Variants in PLS1 observed in about 807,000 individuals in gnomAD.
The protein encoded by PLS1 is plastin-1.
Under a neutral mutation model 73.7 loss-of-function variants are expected in PLS1, and 32 were observed. The observed-to-expected ratio is 0.43, with a 90% CI of 0.33 to 0.58. The LOEUF is 0.58. PLS1 is among the 20% of genes least tolerant of loss of function. The pLI is 0.04. For missense variants in PLS1, 633 were observed against 740.5 expected (o/e 0.85, Z 1.68); for synonymous variants, 217 against 261.3 (o/e 0.83, Z 1.63).
chr3:142,638,010 C>T (rs1482173510), intron 1 of PLS1, among the ~76,000 whole-genome samples: 1 of 152,104 alleles, frequency 6.6e-6, no homozygotes, highest in African/African-American at 2.4e-5. Context: ...AGTTGCAATC[C>T]GTGTGTGAGA....
intron 1 of PLS1, among the ~76,000 whole-genome samples, chr3:142,635,745 C>T (rs890212755): frequency 1.3e-5 from 2 of 152,146 alleles, no homozygotes; most frequent in African/African-American, 4.8e-5. Context: ...GAAATGGACA[C>T]CCTGATTCTA....
At chr3:142,704,423 C>T in intron 13 of PLS1, 40 bp from the exon 14 acceptor site, 2 of 1,536,090 alleles carry the variant, frequency 1.3e-6, no homozygotes, top group East Asian at 2.3e-5. Flanking sequence ...AAGCAAATTT[C>T]ACCCTTTTCA....
chr3:142,618,800 CAT>C (rs776216988), intron 1 of PLS1, among the ~76,000 whole-genome samples: 1 of 152,160 alleles, frequency 6.6e-6, no homozygotes, highest in African/African-American at 2.4e-5. Flanking sequence ...TTTAAAGACT[CAT>C]GTGATTAGAT....
At chr3:142,697,222 T>G (rs1271441183) in intron 11 of PLS1, among the ~76,000 whole-genome samples, 1 of 152,194 alleles carries the variant, frequency 6.6e-6, no homozygotes, top group East Asian at 1.9e-4. Flanking sequence ...ACTTTGAGAA[T>G]TCCTACTTGT....
intron 1 of PLS1, among the ~76,000 whole-genome samples, chr3:142,658,412 G>A (rs1004725649): frequency 7.1e-4 from 108 of 151,512 alleles, no homozygotes; most frequent in African/African-American, 2.6e-3. Context: ...GGAGGCAGAG[G>A]CTGCGGTGAG....
At position 142,634,407 on chromosome 3, in the gene PLS1, T is replaced by G. The variant is rs558959865; in HGVS notation, c.-36-29795T>G. Among the ~76,000 whole-genome samples the G allele has an allele frequency of 1.2e-4, 18 of 152,198 alleles. No individual in the cohort carries two copies. In the South Asian group the frequency reaches 3.5e-3, roughly 30 times the overall value. ...TTAAATCCACTGATAAGGATAAAAT[T>G]CTAAAAGAACCCAAAGAAAAAATAC... On this transcript the variant is annotated intron_variant, in intron 1 of 15. Transcript: ENST00000457734.
intron 14 of PLS1, among the ~76,000 whole-genome samples, chr3:142,710,350 G>A (rs986523090): frequency 6.6e-6 from 1 of 151,632 alleles, no homozygotes; most frequent in South Asian, 2.1e-4. Flanking sequence ...AAATTACTGT[G>A]GTAATAGAAT....
intron 10 of PLS1, among the ~76,000 whole-genome samples, chr3:142,692,094 T>C (rs2038096741): frequency 6.6e-6 from 1 of 152,236 alleles, no homozygotes; most frequent in East Asian, 1.9e-4. Context: ...AATGTGATCA[T>C]GAATGGAAGA....
At chr3:142,614,591 TAAAA>T (rs770663099) in intron 1 of PLS1, among the ~76,000 whole-genome samples, 4 of 152,250 alleles carry the variant, frequency 2.6e-5, no homozygotes, top group East Asian at 1.9e-4. Context: ...GCTCCAAAAT[TAAAA>T]AAAGAATCCA....
rs1315974571 is a variant in PLS1, at chr3:142,694,629, A to C, written c.1256+82A>C. Reference sequence around the variant, plus strand: ...AACTGTAGGCATGTTTAAATGGAACATTTTCTCAAGTTGCAAGAATTTTAG... The same window carrying C: ...AACTGTAGGCATGTTTAAATGGAACCTTTTCTCAAGTTGCAAGAATTTTAG... On this transcript the variant is annotated intron_variant, in intron 11 of 15. Coordinates refer to ENST00000457734, the MANE Select transcript of PLS1 (RefSeq NM_001145319.2). The C allele has an allele frequency of 1.6e-5, 12 of 752,216 alleles. No homozygotes were observed. The East Asian group carries it at 3.2e-4, about 20-fold the overall frequency. 46.6% of individuals were successfully genotyped at this position (752,216 alleles called of 1,614,324 possible).
At chr3:142,612,189 C>CT (rs2036135584) in intron 1 of PLS1, among the ~76,000 whole-genome samples, 1 of 152,174 alleles carries the variant, frequency 6.6e-6, no homozygotes, top group Non-Finnish European at 1.5e-5. Context: ...ACTGGTTTAA[C>CT]TTTAACTTGT....
chr3:142,689,156 GGGCTTAGT>G, intron 9 of PLS1, among the ~76,000 whole-genome samples: 1 of 152,242 alleles, frequency 6.6e-6, no homozygotes, highest in East Asian at 1.9e-4. Flanking sequence ...CACGGGGGCT[GGGCTTAGT>G]GGCTCACGGC....
intron 2 of PLS1, among the ~76,000 whole-genome samples, chr3:142,666,546 C>A (rs1429704732): frequency 6.6e-6 from 1 of 152,096 alleles, no homozygotes; most frequent in Admixed American, 6.5e-5. Flanking sequence ...ATCCATTCAT[C>A]CACTGATGGC....
chr3:142,666,848 G>A (rs113816731), intron 2 of PLS1, among the ~76,000 whole-genome samples: 1 of 152,304 alleles, frequency 6.6e-6, no homozygotes, highest in African/African-American at 2.4e-5. Context: ...TCCTAGGTGT[G>A]AAGTAGTATC....
chr3:142,651,139 T>C (rs1298937261), intron 1 of PLS1, among the ~76,000 whole-genome samples: 1 of 152,158 alleles, frequency 6.6e-6, no homozygotes. Flanking sequence ...TTTTTCTTTT[T>C]TCTTTTCTCT....
intron 1 of PLS1, among the ~76,000 whole-genome samples, chr3:142,599,178 G>A (rs143246312): frequency 1.5e-4 from 22 of 146,988 alleles, no homozygotes; most frequent in East Asian, 2.0e-4. Context: ...ATGAATGAAT[G>A]AATAAATAAA....
Position 142,596,438 on chromosome 3 carries a change from A to G in PLS1, c.-108A>G, listed in dbSNP as rs1462012405. ...TACGCGGGCGCGGAGAGGTAGCCGC[A>G]GAGTGGACCTGCAGGTACTTGGATC... is the stretch of plus-strand genomic sequence containing the variant. On this transcript the variant is annotated 5_prime_UTR_variant, in exon 1 of 16. Coordinates refer to ENST00000457734, the MANE Select transcript of PLS1 (RefSeq NM_001145319.2). 6.6e-6 allele frequency: 1 copy of G among 152,336 alleles called. No individual in the cohort carries two copies. Among genetic ancestry groups the G allele is most frequent in the Non-Finnish European group, 1.5e-5 (1 of 68,118 alleles). The allele number at this position is 152,336 out of a possible 1,614,324, so 9.4% of individuals were successfully genotyped here.
chr3:142,662,206 T>C (rs557671971), intron 1 of PLS1, among the ~76,000 whole-genome samples: 1 of 152,132 alleles, frequency 6.6e-6, no homozygotes, highest in Non-Finnish European at 1.5e-5. Flanking sequence ...AAATGTGGCA[T>C]ATATACACCA....
At chr3:142,618,710 A>G (rs2036260405) in intron 1 of PLS1, among the ~76,000 whole-genome samples, 1 of 152,118 alleles carries the variant, frequency 6.6e-6, no homozygotes, top group Non-Finnish European at 1.5e-5. Context: ...ACAGTCGGTA[A>G]AGCCCCTCTC....
Sources: gnomAD v4.1 joint callset for allele counts (sites outside exome capture counted in the v4.1 genomes callset) on GRCh38, gnomAD v4.1.1 for gene constraint, MANE v1.5 for transcripts, NCBI Gene and HGNC (gene_info 2026-07-23, HGNC 2026-07-21) for gene names.